The following KIF15 variants were observed in gnomAD, a reference collection of about 807,000 sequenced individuals.
The protein encoded by KIF15 is kinesin family member 15, also known as kinesin-like protein KIF15.
A neutral mutation model predicts 190.6 loss-of-function variants in KIF15; 140 were observed. The ratio of observed to expected loss-of-function variants is 0.73; its 90% CI spans 0.64 to 0.84. KIF15 has a LOEUF of 0.84. Ranked by LOEUF, KIF15 falls within the 40% of genes least tolerant of loss-of-function variation. KIF15 has a pLI of 0.00. For synonymous variants in KIF15, 528 were observed against 551.3 expected (o/e 0.96, Z 0.59); for missense variants, 1,372 against 1,584.4 (o/e 0.87, Z 2.28).
In KIF15 at chr3:44,801,902, AG is replaced by A; in HGVS notation, c.1439del (p.Gly480ValfsTer14). 6.2e-7 allele frequency: 1 copy of A among 1,613,920 alleles called. No homozygotes were observed. The highest frequency in any genetic ancestry group is 8.5e-7 in the Non-Finnish European group (1 of 1,179,866). ...AAAAGCTCCACAAGGAATCCCGGGG[AG>A]GTTTTCTGCCTGAGGAGCAGGATCG... ...LEKLHKESRG[G>X]FLPEEQDRLL... On this transcript the variant is annotated frameshift_variant, in exon 13 of 35. Coordinates refer to ENST00000326047, the MANE Select transcript of KIF15 (RefSeq NM_020242.3). LOFTEE classifies it high-confidence loss of function.
intron 31 of KIF15, 132 bp downstream of exon 31, chr3:44,848,189 CATG>C (rs1471777969): frequency 1.6e-6 from 1 of 642,620 alleles, no homozygotes; most frequent in Non-Finnish European, 2.7e-6. Context: ...CACTGTTTAG[CATG>C]ATATTTACCA....
Position 44,829,991 on chromosome 3 carries a change from G to A in KIF15, c.2964G>A (p.Met988Ile). The A allele has an allele frequency of 2.5e-6, 4 of 1,590,406 alleles. No individual in the cohort carries two copies. The highest frequency in any genetic ancestry group is 3.4e-6 in the Non-Finnish European group (4 of 1,170,446). ...ATCAGAAAGTTGTAGCTGACCTCAT[G>A]AACCAGATCCAGGAGCTAAGAACAT... is the stretch of plus-strand genomic sequence containing the variant. ...DSDKKVVADL[M>I]NQIQELRTSV... The change falls in exon 25 of 35, where the codon ATG (methionine) becomes ATA (isoleucine). Residue 988 changes from methionine to isoleucine, a missense_variant. Met to Ile is a conservative substitution (Grantham distance 10). Transcript: ENST00000326047.
chr3:44,784,713 A>C, intron 5 of KIF15, 132 bp from the exon 6 acceptor site: 1 of 613,878 alleles, frequency 1.6e-6, no homozygotes. Context: ...TCACAGACCT[A>C]GATTTAACTT....
intron 20 of KIF15, among the ~76,000 whole-genome samples, chr3:44,821,417 G>A (rs925552280): frequency 6.7e-5 from 9 of 135,086 alleles, no homozygotes; most frequent in East Asian, 2.2e-4. Flanking sequence ...CGGGGCGGTC[G>A]GGCAGAGACG....
rs185636873 is a variant in KIF15 at position 44,827,945 on chromosome 3, C to G, written c.2857-269C>G. On this transcript the variant is annotated intron_variant, in intron 23 of 34. Coordinates refer to ENST00000326047, the MANE Select transcript of KIF15 (RefSeq NM_020242.3). ...CCACCCACCTTGGCCTCCCAAAGTG[C>G]TGAGATTACAGGCCTGAGCCACCGT... Among the ~76,000 whole-genome samples, 108 of 152,266 alleles carry G rather than the reference C, an allele frequency of 7.1e-4. No homozygotes were observed. The East Asian group carries it at 0.018, about 25-fold the overall frequency.
chr3:44,801,917 G>A lies in KIF15; in HGVS notation c.1452G>A (p.Glu484=). 6.2e-7 allele frequency: 1 copy of A among 1,613,934 alleles called. No homozygotes were observed. Among genetic ancestry groups the A allele is most frequent in the Non-Finnish European group, 8.5e-7 (1 of 1,179,902 alleles). Residue 484 remains glutamate (E), a synonymous_variant, in exon 13 of 35, where the codon GAG becomes GAA. Transcript: ENST00000326047. The part of the protein sequence containing the change: ...HKESRGGFLP[E]EQDRLLSELR... ...AATCCCGGGGAGGTTTTCTGCCTGAGGAGCAGGATCGTTTGCTCTCAGAAT... is the reference window on the plus strand; with the variant it reads ...AATCCCGGGGAGGTTTTCTGCCTGAAGAGCAGGATCGTTTGCTCTCAGAAT...
intron 32 of KIF15, among the ~76,000 whole-genome samples, chr3:44,850,279 C>T (rs1456589376): frequency 6.6e-6 from 1 of 152,152 alleles, no homozygotes; most frequent in Non-Finnish European, 1.5e-5. Context: ...AGCCTTTTCA[C>T]CTGTGTATGA....
At chr3:44,868,535 G>A (rs1211793478) in intron 6 of KIF15, among the ~76,000 whole-genome samples, 3 of 152,170 alleles carry the variant, frequency 2.0e-5, no homozygotes, top group African/African-American at 7.2e-5. Context: ...GAGATAACAT[G>A]TACAGAGGAG....
chr3:44,826,000 A>G, intron 20 of KIF15, 39 bp from the exon 21 acceptor site: 1 of 1,518,766 alleles, frequency 6.6e-7, no homozygotes, highest in South Asian at 1.2e-5. Flanking sequence ...AATACATTAA[A>G]TGTTTATTTA....
At chr3:44,772,030 T>C (rs1363459041) in intron 1 of KIF15, among the ~76,000 whole-genome samples, 1 of 152,238 alleles carries the variant, frequency 6.6e-6, no homozygotes, top group Non-Finnish European at 1.5e-5. Flanking sequence ...AGCTCTTCTT[T>C]CCTTTAAAAA....
In KIF15 at chr3:44,833,781, G is replaced by A. The variant is rs575088589; in HGVS notation, c.3171+2763G>A. ...ACTGAGGTAATACATGGAAAGTGCTGAGAACTGTGTCTGGCTCCTTGTAAC... is the reference window on the plus strand; with the variant it reads ...ACTGAGGTAATACATGGAAAGTGCTAAGAACTGTGTCTGGCTCCTTGTAAC... On this transcript the variant is annotated intron_variant, in intron 26 of 34. Coordinates refer to ENST00000326047, the MANE Select transcript of KIF15 (RefSeq NM_020242.3). Among the ~76,000 whole-genome samples, 3 of 152,324 alleles carry A rather than the reference G, an allele frequency of 2.0e-5. No individual in the cohort carries two copies. In the South Asian group the frequency reaches 6.2e-4, roughly 32 times the overall value.
chr3:44,847,755 C>T (rs1698912272), intron 30 of KIF15, among the ~76,000 whole-genome samples: 2 of 152,226 alleles, frequency 1.3e-5, no homozygotes, highest in African/African-American at 4.8e-5. Context: ...CTCATCTCAT[C>T]TTGCTTTTGT....
chr3:44,864,313 C>T, intron 6 of KIF15: 2 of 1,614,164 alleles, frequency 1.2e-6, no homozygotes, highest in Non-Finnish European at 1.7e-6. Flanking sequence ...TTGCATCTGT[C>T]ACAGTGACTT....
chr3:44,830,208 G>T, intron 25 of KIF15, 133 bp downstream of exon 25: 1 of 448,426 alleles, frequency 2.2e-6, no homozygotes, highest in Non-Finnish European at 4.0e-6. Flanking sequence ...GTTAAATAAA[G>T]CTCAACAGGT....
At chr3:44,778,803 A>T (rs576137321) in intron 4 of KIF15, among the ~76,000 whole-genome samples, 27 of 151,274 alleles carry the variant, frequency 1.8e-4, no homozygotes, top group African/African-American at 6.5e-4. Context: ...ACATGGTGAG[A>T]CCCCCGTCTC....
intron 26 of KIF15, among the ~76,000 whole-genome samples, chr3:44,832,575 A>C (rs1188981681): frequency 6.6e-6 from 1 of 152,212 alleles, no homozygotes; most frequent in Non-Finnish European, 1.5e-5. Flanking sequence ...GCCCACAGAA[A>C]GTTAATGAGA....
intron 8 of KIF15, among the ~76,000 whole-genome samples, chr3:44,796,279 A>G (rs541018384): frequency 1.3e-5 from 2 of 152,280 alleles, no homozygotes; most frequent in African/African-American, 4.8e-5. Context: ...GGATCCCTCG[A>G]ACCCAGGAGG....
At position 44,811,018 on chromosome 3, in the gene KIF15, T is replaced by C. The variant is rs755867116; in HGVS notation, c.2144T>C (p.Ile715Thr). 3.4e-5 allele frequency: 55 copies of C among 1,613,338 alleles called. No homozygotes were observed. The highest frequency in any genetic ancestry group is 4.5e-5 in the Non-Finnish European group (53 of 1,179,738). The change falls in exon 17 of 35, where the codon ATT (isoleucine) becomes ACT (threonine). Residue 715 changes from isoleucine (I) to threonine (T), a missense_variant. Physicochemically the swap from Ile to Thr is moderately conservative, Grantham distance 89. Transcript: ENST00000326047. Reference sequence around the variant, plus strand: ...ATGAATGAACAAGCTTTTGAGGCCATTTCTGAAGAGCTTAGAACAGTGCAG... The same window carrying C: ...ATGAATGAACAAGCTTTTGAGGCCACTTCTGAAGAGCTTAGAACAGTGCAG... Reference protein sequence around the residue: ...PEMNEQAFEAISEELRTVQEQ... With the variant: ...PEMNEQAFEATSEELRTVQEQ...
chr3:44,833,730 G>A (rs563210243), intron 26 of KIF15, among the ~76,000 whole-genome samples: 30 of 152,164 alleles, frequency 2.0e-4, no homozygotes, highest in Non-Finnish European at 3.2e-4. Flanking sequence ...GCTGGGGGCC[G>A]CTGGCATAAG....
Sources: gnomAD v4.1 joint callset for allele counts (sites outside exome capture counted in the v4.1 genomes callset) on GRCh38, gnomAD v4.1.1 for gene constraint, MANE v1.5 for transcripts, NCBI Gene and HGNC (gene_info 2026-07-23, HGNC 2026-07-21) for gene names.